The following PPFIA4 variants were observed in gnomAD, a reference collection of about 807,000 sequenced individuals.
The protein encoded by PPFIA4 is liprin-alpha-4.
Under a neutral mutation model 145.7 loss-of-function variants are expected in PPFIA4, and 98 were observed. The ratio of observed to expected loss-of-function variants is 0.67; its 90% confidence interval spans 0.57 to 0.80. The LOEUF (loss-of-function observed/expected upper bound fraction) is 0.80, where lower values mean the gene tolerates loss of function less well. PPFIA4 is among the 30% of genes least tolerant of loss of function. PPFIA4 has a pLI of 0.00. For synonymous variants in PPFIA4, 628 were observed against 649.6 expected (o/e 0.97, Z 0.51); for missense variants, 1,457 against 1,632.7 (o/e 0.89, Z 1.85).
chr1:203,048,698 C>T lies in PPFIA4; in HGVS notation c.1340C>T (p.Ala447Val). 1 of 1,610,020 alleles carries T rather than the reference C, an allele frequency of 6.2e-7. No individual in the cohort carries two copies. Among genetic ancestry groups the T allele is most frequent in the Non-Finnish European group, 8.5e-7 (1 of 1,178,954 alleles). ...RLQLHLKERM[A>V]ALEEKNTLIQ... ...CAGCTCCACCTGAAGGAGCGCATGG[C>T]TGCCCTGGAGGAGAAGGTGCCCAGA... Residue 447 changes from alanine (A) to valine (V), a missense_variant, in exon 11 of 30, where the codon GCT (alanine) becomes GTT (valine). Around this residue, in one of 3 missense-constraint regions of PPFIA4, gnomAD observed 848 missense variants for 1,046.7 expected, o/e 0.81. Coordinates refer to ENST00000295706, the MANE Select transcript of PPFIA4 (RefSeq NM_001304331.2). The surrounding 1 kb of genome is among the most constrained non-coding windows in gnomAD (Gnocchi z 5.8).
chr1:203,060,283 A>G lies in PPFIA4; in HGVS notation c.2650A>G (p.Met884Val), dbSNP rs1661271049. The G allele has an allele frequency of 6.2e-7, 1 of 1,613,962 alleles. No homozygotes were observed. The highest frequency in any genetic ancestry group is 8.5e-7 in the Non-Finnish European group (1 of 1,179,976). Residue 884 changes from methionine to valine, a missense_variant, in exon 22 of 30, where the codon ATG becomes GTG. Physicochemically the swap from Met to Val is conservative, Grantham distance 21. Around this residue, in one of 3 missense-constraint regions of PPFIA4, gnomAD observed 848 missense variants for 1,046.7 expected, o/e 0.81. Coordinates refer to ENST00000295706, the MANE Select transcript of PPFIA4 (RefSeq NM_001304331.2). The surrounding 1 kb of genome is among the most constrained non-coding windows in gnomAD (Gnocchi z 4.8). ...CRANVKSGAI[M>V]SALSDTEIQR... ...GGCCAACGTCAAGAGTGGTGCCATC[A>G]TGTCCGCTCTGTCGGACACAGAGAT...
chr1:203,063,592 A>G, intron 24 of PPFIA4: 1 of 468,346 alleles, frequency 2.1e-6, no homozygotes, highest in Non-Finnish European at 3.8e-6. Flanking sequence ...AGTGTAGATA[A>G]TTGATATGTG....
rs572582754 is a variant in PPFIA4 at position 203,072,414 on chromosome 1, C to T, written c.3393+654C>T. ...GTCCCTTGCACTTGATTTCATCAGG[C>T]ATTCCCCTTGAGTTGAGGGAAGACC... On this transcript the variant is annotated intron_variant, in intron 28 of 29. Coordinates refer to ENST00000295706, the MANE Select transcript of PPFIA4 (RefSeq NM_001304331.2). Among the ~76,000 whole-genome samples, 21 of 152,364 alleles carry T rather than the reference C, an allele frequency of 1.4e-4. 1 individual carries two copies. Among genetic ancestry groups the T allele is most frequent in the Admixed American group, 3.3e-4 (5 of 15,306 alleles).
Position 203,048,915 on chromosome 1 carries a change from C to G in PPFIA4, c.1357-3C>G, listed in dbSNP as rs61756414. 512 of 1,548,220 alleles carry G rather than the reference C, an allele frequency of 3.3e-4. No homozygotes were observed. The highest frequency in any genetic ancestry group is 4.1e-4 in the Non-Finnish European group (471 of 1,146,824). ...GGCCTGGCTCACAGCTGCTCTCCCC[C>G]AGAACACGTTGATCCAGGAGTTGGA... On this transcript the variant is annotated splice_region_variant and splice_polypyrimidine_tract_variant and intron_variant, in intron 11 of 29. Coordinates refer to ENST00000295706, the MANE Select transcript of PPFIA4 (RefSeq NM_001304331.2). This position sits in a 1 kb window ranked among gnomAD's most constrained non-coding sequence, Gnocchi z 5.8.
intron 2 of PPFIA4, among the ~76,000 whole-genome samples, chr1:203,041,451 G>A (rs74589124): frequency 0.02 from 3,022 of 152,328 alleles, 97 homozygotes; most frequent in Admixed American, 0.069. Context: ...AATTAGCTGG[G>A]CATGGTGGCA....
chr1:203,029,293 A>G (rs1318367614), intron 1 of PPFIA4, among the ~76,000 whole-genome samples: 1 of 152,220 alleles, frequency 6.6e-6, no homozygotes, highest in African/African-American at 2.4e-5. Context: ...AGTCAGCTGT[A>G]GCGTGGAATA....
chr1:203,056,617 T>C, intron 18 of PPFIA4, 109 bp downstream of exon 18: 2 of 1,438,476 alleles, frequency 1.4e-6, no homozygotes, highest in Non-Finnish European at 1.9e-6. Flanking sequence ...CTGAATGTCT[T>C]ACTTCTCTTT....
rs772268392 is a variant in PPFIA4 at position 203,038,934 on chromosome 1, G to A, written c.-75G>A. ...TGCCCACTCTGAGACCCATGCACTGGGTTCCCCTGGAGGTGCCAACCCTGT... is the reference window on the plus strand; with the variant it reads ...TGCCCACTCTGAGACCCATGCACTGAGTTCCCCTGGAGGTGCCAACCCTGT... On this transcript the variant is annotated 5_prime_UTR_variant, in exon 2 of 30. An upstream open reading frame in the 5' UTR gains an earlier in-frame stop. Coordinates refer to ENST00000295706, the MANE Select transcript of PPFIA4 (RefSeq NM_001304331.2). The A allele has an allele frequency of 1.3e-6, 1 of 757,288 alleles. No individual in the cohort carries two copies. The highest frequency in any genetic ancestry group is 1.7e-5 in the South Asian group (1 of 58,066). 46.9% of individuals were successfully genotyped at this position (757,288 alleles called of 1,614,324 possible).
rs1660814284 is a variant in PPFIA4 at position 203,054,921 on chromosome 1, TGA to T, written c.1830-505_1830-504del. 2.0e-5 allele frequency among the ~76,000 whole-genome samples: 3 copies of T among 152,328 alleles called. No homozygotes were observed. The South Asian group carries it at 6.2e-4, about 32-fold the overall frequency. The stretch of plus-strand genomic sequence containing the variant: ...GCATCTTTACTGGAGCATGTGTGTG[TGA>T]GAGAGTGTGTGTGTGTGCGTGTGCA... On this transcript the variant is annotated intron_variant, in intron 15 of 29. Coordinates refer to ENST00000295706, the MANE Select transcript of PPFIA4 (RefSeq NM_001304331.2).
chr1:203,053,740 C>T lies in PPFIA4; in HGVS notation c.1621-13C>T, dbSNP rs1354294611. On this transcript the variant is annotated splice_polypyrimidine_tract_variant and intron_variant, in intron 14 of 29. Coordinates refer to ENST00000295706, the MANE Select transcript of PPFIA4 (RefSeq NM_001304331.2). ...GTCTTATTACGACTCCTTTACCCTC[C>T]TCCTTTGCTAAGGACTGGGAGACTT... is the stretch of plus-strand genomic sequence containing the variant. 1.3e-6 allele frequency: 2 copies of T among 1,549,442 alleles called. No homozygotes were observed. The highest frequency in any genetic ancestry group is 2.0e-5 in the Admixed American group (1 of 51,008).
chr1:203,044,541 C>A (rs1659928493), intron 5 of PPFIA4, 88 bp downstream of exon 5: 1 of 1,450,328 alleles, frequency 6.9e-7, no homozygotes, highest in South Asian at 1.3e-5. Context: ...TGTCAGATTT[C>A]TCCCTGCCAT....
rs1304835089 is a variant in PPFIA4 at position 203,043,290 on chromosome 1, T to C, written c.235-107T>C. On this transcript the variant is annotated intron_variant, in intron 2 of 29. Coordinates refer to ENST00000295706, the MANE Select transcript of PPFIA4 (RefSeq NM_001304331.2). The surrounding 1 kb of genome is among the most constrained non-coding windows in gnomAD (Gnocchi z 4.4). ...ATGGATTGGGATTTTGTGGGGGAGG[T>C]GGTGGAAGTAAGGGATGGGTGAGAG... is the stretch of plus-strand genomic sequence containing the variant. 1.1e-6 allele frequency: 1 copy of C among 898,176 alleles called. No individual in the cohort carries two copies. The highest frequency in any genetic ancestry group is 2.7e-5 in the East Asian group (1 of 37,566). The allele number at this position is 898,176 out of a possible 1,614,324, so 55.6% of individuals were successfully genotyped here.
At chr1:203,058,631 T>C (rs1227396376) in intron 19 of PPFIA4, among the ~76,000 whole-genome samples, 2 of 152,226 alleles carry the variant, frequency 1.3e-5, no homozygotes, top group Admixed American at 1.3e-4. Context: ...AGATTCTGCC[T>C]CTGGCCACGA....
At chr1:203,045,258 A>T in intron 6 of PPFIA4, 110 bp from the exon 7 acceptor site, 1 of 979,048 alleles carries the variant, frequency 1.0e-6, no homozygotes, top group Non-Finnish European at 1.5e-6. Context: ...TTGGGGGCAG[A>T]GCCTTGACCT....
rs759920595 is a variant in PPFIA4 at position 203,038,972 on chromosome 1, G to C, written c.-37G>C. 26 of 1,189,156 alleles carry C rather than the reference G, an allele frequency of 2.2e-5. No individual in the cohort carries two copies. Among genetic ancestry groups the C allele is most frequent in the Middle Eastern group, 1.9e-4 (1 of 5,186 alleles). 73.7% of individuals were successfully genotyped at this position (1,189,156 alleles called of 1,614,324 possible). On this transcript the variant is annotated 5_prime_UTR_variant, in exon 2 of 30. Transcript: ENST00000295706. Reference sequence around the variant, plus strand: ...GTGCCAACCCTGTGAGTCCCTCCCTGTCCCCTGACGCTGAGAAGGCCCTGC... The same window carrying C: ...GTGCCAACCCTGTGAGTCCCTCCCTCTCCCCTGACGCTGAGAAGGCCCTGC...
At chr1:203,034,641 G>A (rs1354989822) in intron 1 of PPFIA4, 5 of 456,562 alleles carry the variant, frequency 1.1e-5, no homozygotes, top group Admixed American at 2.3e-5. Flanking sequence ...GTGGAGGATG[G>A]GGCCTTCCAG....
At chr1:203,035,222 C>T (rs1263034594) in intron 1 of PPFIA4, 2 of 452,312 alleles carry the variant, frequency 4.4e-6, no homozygotes, top group African/African-American at 2.0e-5. Flanking sequence ...GCTGAATAGC[C>T]CCTCAGACGC....
rs1456560210 is a variant in PPFIA4 at position 203,044,760 on chromosome 1, A to G, written c.641A>G (p.Glu214Gly). ...DGAAEEEGTV[E>G]LGPKRLWKED... is the part of the protein sequence containing the mutation. ...GCGGCAGAAGAGGAGGGGACTGTGG[A>G]GCTGGGGCCGAAACGCCTGTGGAAG... Residue 214 changes from glutamate to glycine, a missense_variant, in exon 6 of 30, where the codon GAG becomes GGG. By Grantham distance (98) the Glu-to-Gly change is moderately conservative. Around this residue, in one of 3 missense-constraint regions of PPFIA4, gnomAD observed 463 missense variants for 459.8 expected, o/e 1.01. Coordinates refer to ENST00000295706, the MANE Select transcript of PPFIA4 (RefSeq NM_001304331.2). The G allele has an allele frequency of 3.8e-6, 6 of 1,565,598 alleles. No individual in the cohort carries two copies. Among genetic ancestry groups the G allele is most frequent in the East Asian group, 2.4e-5 (1 of 42,472 alleles).
At chr1:203,061,102 A>G in intron 23 of PPFIA4, 70 bp downstream of exon 23, 1 of 1,466,288 alleles carries the variant, frequency 6.8e-7, no homozygotes. Context: ...GGATGAGGGG[A>G]AGGCTGTGGG....
Sources: gnomAD v4.1 joint callset for allele counts (sites outside exome capture counted in the v4.1 genomes callset) on GRCh38, gnomAD v4.1.1 for gene constraint, gnomAD v4.1.1 regional missense constraint, Gnocchi (gnomAD v3.1) non-coding constraint, MANE v1.5 for transcripts, NCBI Gene and HGNC (gene_info 2026-07-23, HGNC 2026-07-21) for gene names.